The following ZBTB38 variants were observed in gnomAD, a reference collection of about 807,000 sequenced individuals.
The protein encoded by ZBTB38 is zinc finger and BTB domain containing 38.
In ZBTB38, 20 loss-of-function variants were observed where a neutral mutation model predicts 76.8. The observed-to-expected ratio is 0.26, with a 90% CI of 0.18 to 0.38. The LOEUF (loss-of-function observed/expected upper bound fraction) is 0.38, where lower values mean the gene tolerates loss of function less well. Ranked by LOEUF, ZBTB38 falls within the 10% of genes least tolerant of loss-of-function variation. ZBTB38 has a pLI of 1.00. For synonymous variants in ZBTB38, 504 were observed against 544.2 expected (o/e 0.93, Z 1.03); for missense variants, 1,082 against 1,482.3 (o/e 0.73, Z 4.43).
intron 1 of ZBTB38, among the ~76,000 whole-genome samples, chr3:141,340,294 T>C (rs1486872006): frequency 6.6e-6 from 1 of 152,284 alleles, no homozygotes; most frequent in East Asian, 1.9e-4. Flanking sequence ...ATTTTTCTTA[T>C]AGTCTAAGAA....
intron 2 of ZBTB38, among the ~76,000 whole-genome samples, chr3:141,373,301 A>G (rs1049012205): frequency 1.4e-4 from 22 of 152,222 alleles, no homozygotes; most frequent in Admixed American, 7.9e-4. Flanking sequence ...ACATGGGAGT[A>G]ATAATTCAAA....
chr3:141,433,129 A>G (rs1052443395), intron 5 of ZBTB38, among the ~76,000 whole-genome samples: 3 of 152,098 alleles, frequency 2.0e-5, no homozygotes, highest in Admixed American at 6.5e-5. Context: ...GGGTGTGTCT[A>G]TGTTTCTGTA....
intron 1 of ZBTB38, among the ~76,000 whole-genome samples, chr3:141,356,081 G>T (rs1943654262): frequency 6.6e-6 from 1 of 152,092 alleles, no homozygotes; most frequent in African/African-American, 2.4e-5. Context: ...GTGTGTGTGT[G>T]GTGGAGTGGG....
In ZBTB38 at chr3:141,353,133, C is replaced by A. The variant is rs115009673; in HGVS notation, c.-738-15488C>A. Reference sequence around the variant, plus strand: ...AGACAAGAGTCCCTTCGTCCCAAATCCCTCAGTTCACCAGGGGTGTTTAAG... The same window carrying A: ...AGACAAGAGTCCCTTCGTCCCAAATACCTCAGTTCACCAGGGGTGTTTAAG... On this transcript the variant is annotated intron_variant, in intron 1 of 7. Transcript: ENST00000509842. 6.5e-3 allele frequency among the ~76,000 whole-genome samples: 991 copies of A among 152,148 alleles called. 14 individuals carry two copies. The highest frequency in any genetic ancestry group is 0.023 in the African/African-American group (946 of 41,464).
chr3:141,406,334 A>G (rs1954407629), intron 5 of ZBTB38, among the ~76,000 whole-genome samples: 1 of 152,184 alleles, frequency 6.6e-6, no homozygotes, highest in Non-Finnish European at 1.5e-5. Context: ...CCAAGGAAAA[A>G]GAGGGGCAGA....
chr3:141,394,774 T>C (rs1306425284), intron 4 of ZBTB38, among the ~76,000 whole-genome samples: 1 of 152,216 alleles, frequency 6.6e-6, no homozygotes, highest in Non-Finnish European at 1.5e-5. Flanking sequence ...CACTGCATCA[T>C]CCCTGTACTT....
intron 5 of ZBTB38, among the ~76,000 whole-genome samples, chr3:141,430,426 G>C (rs540320047): frequency 7.2e-5 from 11 of 152,334 alleles, no homozygotes; most frequent in Admixed American, 2.6e-4. Context: ...CGCATGAGCA[G>C]TTCCTCCATA....
At chr3:141,370,391 CCAT>C (rs1345165617) in intron 2 of ZBTB38, among the ~76,000 whole-genome samples, 1 of 152,206 alleles carries the variant, frequency 6.6e-6, no homozygotes, top group Non-Finnish European at 1.5e-5. Context: ...GGCTAAAACT[CCAT>C]CACATGACCA....
At chr3:141,336,546 A>G (rs991144761) in intron 1 of ZBTB38, among the ~76,000 whole-genome samples, 1 of 152,032 alleles carries the variant, frequency 6.6e-6, no homozygotes, top group African/African-American at 2.4e-5. Flanking sequence ...ATGGAGTCTC[A>G]CTGTGTTGGC....
At chr3:141,387,916 T>G (rs571683890) in intron 4 of ZBTB38, 1 of 152,112 alleles carries the variant, frequency 6.6e-6, no homozygotes, top group African/African-American at 2.4e-5. Flanking sequence ...GTTTTTATAG[T>G]TTTTTTTGAG....
At chr3:141,419,263 C>T (rs151246560) in intron 5 of ZBTB38, among the ~76,000 whole-genome samples, 1,583 of 152,230 alleles carry the variant, frequency 0.01, 16 homozygotes, top group Middle Eastern at 0.027. Flanking sequence ...GGAGGAAATC[C>T]GCCCCCATGA....
chr3:141,380,945 T>A (rs920726420), intron 2 of ZBTB38, among the ~76,000 whole-genome samples: 1 of 152,210 alleles, frequency 6.6e-6, no homozygotes, highest in South Asian at 2.1e-4. Context: ...TTTTTATGGA[T>A]CTGTAAGAAT....
intron 5 of ZBTB38, among the ~76,000 whole-genome samples, chr3:141,414,959 C>T (rs1226752336): frequency 6.6e-6 from 1 of 152,004 alleles, no homozygotes; most frequent in Non-Finnish European, 1.5e-5. Flanking sequence ...TAACCCTGCC[C>T]TTTCTTTCTC....
At chr3:141,340,990 G>GAAAGAAAGAA (rs773205568) in intron 1 of ZBTB38, among the ~76,000 whole-genome samples, 6 of 122,220 alleles carry the variant, frequency 4.9e-5, no homozygotes, top group Admixed American at 8.0e-5. Flanking sequence ...AAGAAAGAAA[G>GAAAGAAAGAA]AGAAAGAAGA....
At chr3:141,344,391 C>T (rs1430890131) in intron 1 of ZBTB38, among the ~76,000 whole-genome samples, 2 of 152,244 alleles carry the variant, frequency 1.3e-5, no homozygotes, top group African/African-American at 4.8e-5. Context: ...TATTTTGAGA[C>T]ATGGTCTTGC....
At chr3:141,331,704 T>C (rs1942858083) in intron 1 of ZBTB38, among the ~76,000 whole-genome samples, 1 of 152,236 alleles carries the variant, frequency 6.6e-6, no homozygotes. Flanking sequence ...AAGCTGAGGC[T>C]GAGCCTGAGG....
chr3:141,327,958 T>C (rs1257688633), intron 1 of ZBTB38, among the ~76,000 whole-genome samples: 2 of 152,200 alleles, frequency 1.3e-5, no homozygotes, highest in African/African-American at 4.8e-5. Flanking sequence ...TATAACCACA[T>C]GCAGAACTAG....
At chr3:141,342,944 G>C (rs1164577084) in intron 1 of ZBTB38, among the ~76,000 whole-genome samples, 1 of 151,994 alleles carries the variant, frequency 6.6e-6, no homozygotes, top group Non-Finnish European at 1.5e-5. Flanking sequence ...AAAACTGAAT[G>C]AGCACGAACA....
At chr3:141,404,437 TA>T (rs1953608558) in intron 5 of ZBTB38, among the ~76,000 whole-genome samples, 1 of 152,202 alleles carries the variant, frequency 6.6e-6, no homozygotes, top group Admixed American at 6.5e-5. Context: ...CTCAGTCACA[TA>T]GCCAGCTTCA....
Sources: gnomAD v4.1 joint callset for allele counts (sites outside exome capture counted in the v4.1 genomes callset) on GRCh38, gnomAD v4.1.1 for gene constraint, MANE v1.5 for transcripts, NCBI Gene and HGNC (gene_info 2026-07-23, HGNC 2026-07-21) for gene names.